The following FARS2 variants were observed in gnomAD, a reference collection of about 807,000 sequenced individuals.
The protein encoded by FARS2 is phenylalanyl-tRNA synthetase 2, mitochondrial, also known as phenylalanine--tRNA ligase, mitochondrial.
FARS2 carries 40 observed loss-of-function variants against 46.4 expected under a neutral mutation model. The ratio of observed to expected loss-of-function variants is 0.86; its 90% confidence interval spans 0.67 to 1.12. The LOEUF is 1.12. Ranked by LOEUF, FARS2 falls within the 50% of genes most tolerant of loss-of-function variation. FARS2 has a pLI of 0.00. For synonymous variants in FARS2, 234 were observed against 214.9 expected (o/e 1.09, Z -0.78); for missense variants, 513 against 567.9 (o/e 0.90, Z 0.98).
At chr6:5,363,633 A>C (rs1758461129) in intron 1 of FARS2, among the ~76,000 whole-genome samples, 1 of 152,152 alleles carries the variant, frequency 6.6e-6, no homozygotes, top group East Asian at 1.9e-4. Flanking sequence ...AGACAACAGC[A>C]GGTAGTAATA....
At chr6:5,252,286 C>T in the FARS2 span, among the ~76,000 whole-genome samples, 2 of 152,284 alleles carry the variant, frequency 1.3e-5, no homozygotes, top group South Asian at 4.1e-4. Context: ...CCACGGGGAG[C>T]GAGGCGGCCT....
intron 6 of FARS2, among the ~76,000 whole-genome samples, chr6:5,674,338 C>T (rs1778644881): frequency 6.6e-6 from 1 of 151,984 alleles, no homozygotes; most frequent in African/African-American, 2.4e-5. Context: ...AAACTGCCAA[C>T]TTTCTTCATT....
intron 6 of FARS2, among the ~76,000 whole-genome samples, chr6:5,636,164 A>C (rs1387814190): frequency 1.3e-5 from 2 of 152,152 alleles, no homozygotes; most frequent in Non-Finnish European, 2.9e-5. Flanking sequence ...TAAAGTTCTA[A>C]ATGAAATTAT....
intron 6 of FARS2, 33 bp downstream of exon 6, chr6:5,613,353 C>G (rs767689339): frequency 6.3e-7 from 1 of 1,594,784 alleles, no homozygotes; most frequent in South Asian, 1.1e-5. Flanking sequence ...TTACCCTTGA[C>G]TATCTCTGTG....
chr6:5,454,141 A>T (rs952604104), intron 4 of FARS2, among the ~76,000 whole-genome samples: 4 of 151,638 alleles, frequency 2.6e-5, no homozygotes, highest in Non-Finnish European at 5.9e-5. Flanking sequence ...TTTTTTTCAA[A>T]GCAGTATGCC....
chr6:5,559,446 G>C (rs1771866006), intron 5 of FARS2, among the ~76,000 whole-genome samples: 1 of 152,072 alleles, frequency 6.6e-6, no homozygotes, highest in Non-Finnish European at 1.5e-5. Context: ...TAGAAATGCA[G>C]TTGAAACACC....
chr6:5,604,527 C>A (rs1223207614), intron 5 of FARS2, among the ~76,000 whole-genome samples: 1 of 152,130 alleles, frequency 6.6e-6, no homozygotes, highest in African/African-American at 2.4e-5. Context: ...CTACCAGGCC[C>A]TCGGCGGACC....
chr6:5,405,875 GTATATTAACAGTATAT>G (rs1761561847), intron 3 of FARS2, among the ~76,000 whole-genome samples: 1 of 152,248 alleles, frequency 6.6e-6, no homozygotes, highest in South Asian at 2.1e-4. Context: ...ATCAACAGGA[GTATATTAACAGTATAT>G]TATATCAACA....
intron 6 of FARS2, among the ~76,000 whole-genome samples, chr6:5,758,338 T>C (rs1179842126): frequency 1.3e-5 from 2 of 152,240 alleles, no homozygotes; most frequent in Non-Finnish European, 2.9e-5. Context: ...CAATTTTGGC[T>C]CTAAATGTTG....
At chr6:5,463,332 G>A (rs1481075642) in intron 4 of FARS2, among the ~76,000 whole-genome samples, 4 of 152,142 alleles carry the variant, frequency 2.6e-5, no homozygotes, top group African/African-American at 9.7e-5. Flanking sequence ...CCTTGCTAAA[G>A]TTGTTTATTA....
In FARS2 at chr6:5,611,180, G is replaced by C. The variant is rs568651757; in HGVS notation, c.1066-1989G>C. ...GATGAAAAGTACTGTGCAAGAGAAG[G>C]ATAGGGTGCAGTAATGGGATTGATG... On this transcript the variant is annotated intron_variant, in intron 5 of 6. Coordinates refer to ENST00000274680, the MANE Select transcript of FARS2 (RefSeq NM_006567.5). Among the ~76,000 whole-genome samples, 3 of 152,350 alleles carry C rather than the reference G, an allele frequency of 2.0e-5. No individual in the cohort carries two copies. The East Asian group carries it at 5.8e-4, about 29-fold the overall frequency.
At chr6:5,341,188 G>GATAGATAGATATATAT (rs1771535603) in intron 1 of FARS2, among the ~76,000 whole-genome samples, 2 of 34,188 alleles carry the variant, frequency 5.9e-5, no homozygotes, top group Non-Finnish European at 1.1e-4. Flanking sequence ...GCCATGGGGA[G>GATAGATAGATATATAT]ATATATATAT....
upstream of FARS2, among the ~76,000 whole-genome samples, chr6:5,259,197 C>T (rs1764826741): frequency 2.0e-5 from 3 of 152,204 alleles, no homozygotes; most frequent in Non-Finnish European, 4.4e-5. Context: ...CCTTGTGTAT[C>T]CTGAGTAAGC....
intron 6 of FARS2, among the ~76,000 whole-genome samples, chr6:5,669,956 G>C (rs1450739695): frequency 6.6e-6 from 1 of 152,202 alleles, no homozygotes; most frequent in Non-Finnish European, 1.5e-5. Flanking sequence ...GAAGTAGGCA[G>C]AATGGAGTCT....
chr6:5,324,306 G>T lies in FARS2; in HGVS notation c.-21-44244G>T, dbSNP rs530519364. On this transcript the variant is annotated intron_variant, in intron 1 of 6. Transcript: ENST00000274680. Reference sequence around the variant, plus strand: ...ATTTCACCTGCTTGAAACTGGTTGGGAATTTACTTCTGGGATTTTTTTGTT... The same window carrying T: ...ATTTCACCTGCTTGAAACTGGTTGGTAATTTACTTCTGGGATTTTTTTGTT... Among the ~76,000 whole-genome samples the T allele has an allele frequency of 3.3e-5, 5 of 152,110 alleles. No homozygotes were observed. In the South Asian group the frequency reaches 1.0e-3, roughly 32 times the overall value.
At chr6:5,417,883 C>G (rs1762331123) in intron 3 of FARS2, among the ~76,000 whole-genome samples, 1 of 152,192 alleles carries the variant, frequency 6.6e-6, no homozygotes, top group African/African-American at 2.4e-5. Context: ...AACTTTTCCA[C>G]TACTGGTGCT....
chr6:5,351,199 C>T (rs1473804665), intron 1 of FARS2, among the ~76,000 whole-genome samples: 1 of 152,188 alleles, frequency 6.6e-6, no homozygotes, highest in East Asian at 1.9e-4. Context: ...ATTATTTGTT[C>T]ATCTTCAGAT....
At chr6:5,366,068 A>G (rs551215124) in intron 1 of FARS2, among the ~76,000 whole-genome samples, 1 of 152,278 alleles carries the variant, frequency 6.6e-6, no homozygotes, top group South Asian at 2.1e-4. Context: ...ACTGTTACTG[A>G]AAAGAATCTG....
rs1010162980 is a variant in FARS2 at position 5,655,316 on chromosome 6, AT to A, written c.1217+42005del. ...GCAGTAATCCTTTTTAGCATGATTGATTTTTTTTTCATTCCTTTTTGTGTCC... is the reference window on the plus strand; with the variant it reads ...GCAGTAATCCTTTTTAGCATGATTGATTTTTTTTCATTCCTTTTTGTGTCC... On this transcript the variant is annotated intron_variant, in intron 6 of 6. Transcript: ENST00000274680. Among the ~76,000 whole-genome samples, 38 of 151,432 alleles carry A rather than the reference AT, an allele frequency of 2.5e-4. No individual in the cohort carries two copies. The South Asian group carries it at 4.8e-3, about 19-fold the overall frequency.
Sources: gnomAD v4.1 joint callset for allele counts (sites outside exome capture counted in the v4.1 genomes callset) on GRCh38, gnomAD v4.1.1 for gene constraint, MANE v1.5 for transcripts, NCBI Gene and HGNC (gene_info 2026-07-23, HGNC 2026-07-21) for gene names.